The following ZBTB38 variants were observed in gnomAD, a reference collection of about 807,000 sequenced individuals.
The protein encoded by ZBTB38 is zinc finger and BTB domain-containing protein 38.
In ZBTB38, 20 loss-of-function variants were observed where a neutral mutation model predicts 76.8. The observed-to-expected ratio is 0.26, with a 90% confidence interval of 0.18 to 0.38. The LOEUF (loss-of-function observed/expected upper bound fraction) is 0.38. ZBTB38 is among the 10% of genes least tolerant of loss of function. The probability of loss-of-function intolerance (pLI) is 1.00; values close to 1 mark genes in which losing one functional copy is unlikely to be tolerated. For missense variants in ZBTB38, 1,082 were observed against 1,482.3 expected (o/e 0.73, Z 4.43); for synonymous variants, 504 against 544.2 (o/e 0.93, Z 1.03).
chr3:141,440,965 C>T (rs932118031), intron 5 of ZBTB38, among the ~76,000 whole-genome samples: 5 of 146,082 alleles, frequency 3.4e-5, no homozygotes, highest in Non-Finnish European at 7.4e-5. Context: ...ACCCTGGAGC[C>T]GGAAGTTGCA....
intron 4 of ZBTB38, among the ~76,000 whole-genome samples, chr3:141,400,715 CA>C (rs983248082): frequency 2.6e-5 from 4 of 152,190 alleles, no homozygotes; most frequent in African/African-American, 9.7e-5. Flanking sequence ...TACATAATAC[CA>C]GGTACTCTTG....
chr3:141,333,282 C>T (rs1942907646), intron 1 of ZBTB38, among the ~76,000 whole-genome samples: 1 of 152,100 alleles, frequency 6.6e-6, no homozygotes, highest in African/African-American at 2.4e-5. Flanking sequence ...GTAAAGGAGA[C>T]CTAGGACAGC....
chr3:141,442,900 T>C lies in ZBTB38; in HGVS notation c.512T>C (p.Ile171Thr), dbSNP rs2080545284. 1 of 1,614,184 alleles carries C rather than the reference T, an allele frequency of 6.2e-7. No individual in the cohort carries two copies. Among genetic ancestry groups the C allele is most frequent in the Non-Finnish European group, 8.5e-7 (1 of 1,180,022 alleles). ...AGGATCACAAATGCATTTTCCATCA[T>C]CGAAACAGAAAATAGTAATAACATG... ...GPRITNAFSI[I>T]ETENSNNMFS... is the part of the protein sequence containing the mutation. Residue 171 changes from isoleucine (I) to threonine (T), a missense_variant, in exon 6 of 6, where the codon ATC (isoleucine) becomes ACC (threonine). Coordinates refer to ENST00000321464, the MANE Select transcript of ZBTB38 (RefSeq NM_001376113.1). This position sits in a 1 kb window ranked among gnomAD's most constrained non-coding sequence, Gnocchi z 6.4.
At chr3:141,365,315 A>C (rs558097998), upstream of ZBTB38, among the ~76,000 whole-genome samples, 1 of 152,240 alleles carries the variant, frequency 6.6e-6, no homozygotes, top group Non-Finnish European at 1.5e-5. Flanking sequence ...TTCACTTCTT[A>C]CAGTTATGAA....
In ZBTB38 at chr3:141,358,112, CTG is replaced by C. The variant is rs369725936; in HGVS notation, c.-738-10506_-738-10505del. Among the ~76,000 whole-genome samples the C allele has an allele frequency of 2.3e-3, 356 of 152,332 alleles. 1 individual carries two copies. Among genetic ancestry groups the C allele is most frequent in the African/African-American group, 8.2e-3 (340 of 41,564 alleles). ...TTAGCACCAACTTCTGATTCAGAAA[CTG>C]TGGTCATATAGCCAATCAGCCTATG... On this transcript the variant is annotated intron_variant, in intron 1 of 7. Coordinates refer to the ZBTB38 transcript ENST00000509842.
chr3:141,444,090 C>G lies in ZBTB38; in HGVS notation c.1702C>G (p.Leu568Val). 1.9e-6 allele frequency: 3 copies of G among 1,614,064 alleles called. No individual in the cohort carries two copies. The highest frequency in any genetic ancestry group is 1.1e-5 in the South Asian group (1 of 91,088). ...TGTCTATCCGTATAAACTTTATAGG[C>G]TACTGCCTATGAAATGCAAGAGAGC... Reference protein sequence around the residue: ...PSVYPYKLYRLLPMKCKRAPY... With the variant: ...PSVYPYKLYRVLPMKCKRAPY... Residue 568 changes from leucine to valine, a missense_variant, in exon 6 of 6, where the codon CTA becomes GTA. Physicochemically the swap from Leu to Val is conservative, Grantham distance 32. Around this residue, in one of 8 missense-constraint regions of ZBTB38, gnomAD observed 471 missense variants for 581.0 expected, o/e 0.81. Transcript: ENST00000321464. This position sits in a 1 kb window ranked among gnomAD's most constrained non-coding sequence, Gnocchi z 5.1.
intron 1 of ZBTB38, among the ~76,000 whole-genome samples, chr3:141,345,330 G>C (rs114060190): frequency 0.011 from 1,626 of 152,010 alleles, 41 homozygotes; most frequent in African/African-American, 0.038. Flanking sequence ...CACAGATATG[G>C]AGGAGCAACC....
chr3:141,366,094 T>C (rs539268553), upstream of ZBTB38, among the ~76,000 whole-genome samples: 6 of 152,340 alleles, frequency 3.9e-5, no homozygotes, highest in African/African-American at 1.4e-4. Flanking sequence ...CTTCTCTGTA[T>C]CTCCAAGTGG....
At chr3:141,428,707 C>T (rs1290992452) in intron 5 of ZBTB38, among the ~76,000 whole-genome samples, 3 of 152,140 alleles carry the variant, frequency 2.0e-5, no homozygotes, top group Non-Finnish European at 4.4e-5. Flanking sequence ...AACTCCTGAC[C>T]TCAGATGATC....
At chr3:141,335,112 G>A (rs745572828) in intron 1 of ZBTB38, among the ~76,000 whole-genome samples, 1 of 152,206 alleles carries the variant, frequency 6.6e-6, no homozygotes, top group Non-Finnish European at 1.5e-5. Flanking sequence ...TGGTGCTACC[G>A]GTCAGCCAGA....
At chr3:141,394,432 T>C (rs1429427171) in intron 4 of ZBTB38, 2 of 152,228 alleles carry the variant, frequency 1.3e-5, no homozygotes, top group Non-Finnish European at 2.9e-5. Flanking sequence ...CTGTACTAGA[T>C]CTGAATTAAA....
At chr3:141,414,265 C>T (rs1211685483) in intron 5 of ZBTB38, among the ~76,000 whole-genome samples, 2 of 152,168 alleles carry the variant, frequency 1.3e-5, no homozygotes, top group Admixed American at 6.5e-5. Flanking sequence ...CTGATGAGAG[C>T]GTCTGCAGGC....
intron 5 of ZBTB38, chr3:141,405,833 G>A (rs1954174210): frequency 6.6e-6 from 1 of 152,196 alleles, no homozygotes; most frequent in Admixed American, 6.5e-5. Flanking sequence ...ACTCTGTTGA[G>A]GAAAGAAGAT....
chr3:141,445,524 T>C lies in ZBTB38; in HGVS notation c.3136T>C (p.Cys1046Arg). 1 of 1,614,180 alleles carries C rather than the reference T, an allele frequency of 6.2e-7. No individual in the cohort carries two copies. The highest frequency in any genetic ancestry group is 8.5e-7 in the Non-Finnish European group (1 of 1,180,028). Reference protein sequence around the residue: ...KPYQCKTCGRCFSVQGNLQKH... With the variant: ...KPYQCKTCGRRFSVQGNLQKH... ...ATACCAGTGCAAGACCTGCGGACGG[T>C]GCTTTTCGGTGCAAGGAAACTTACA... The change falls in exon 6 of 6, where the codon TGC (cysteine) becomes CGC (arginine). Residue 1046 changes from cysteine to arginine, a missense_variant. Cys to Arg is a radical substitution (Grantham distance 180). Transcript: ENST00000321464. The surrounding 1 kb of genome is among the most constrained non-coding windows in gnomAD (Gnocchi z 6.5).
At chr3:141,328,980 C>T (rs1021881290) in intron 1 of ZBTB38, among the ~76,000 whole-genome samples, 26 of 152,194 alleles carry the variant, frequency 1.7e-4, no homozygotes, top group African/African-American at 6.3e-4. Flanking sequence ...CATAGGTGCT[C>T]CTCCCCTACC....
chr3:141,333,775 C>T (rs1324312847), intron 1 of ZBTB38, among the ~76,000 whole-genome samples: 1 of 152,178 alleles, frequency 6.6e-6, no homozygotes, highest in Non-Finnish European at 1.5e-5. Context: ...ACTGTGTAAG[C>T]ACAGTAATAT....
At chr3:141,352,021 T>C (rs1159957534) in intron 1 of ZBTB38, among the ~76,000 whole-genome samples, 1 of 152,094 alleles carries the variant, frequency 6.6e-6, no homozygotes, top group Non-Finnish European at 1.5e-5. Flanking sequence ...ACTGAGTACT[T>C]GAGACCTACC....
intron 1 of ZBTB38, among the ~76,000 whole-genome samples, chr3:141,358,399 A>T (rs1406787592): frequency 6.6e-6 from 1 of 152,242 alleles, no homozygotes; most frequent in Non-Finnish European, 1.5e-5. Context: ...ATTGTCTGCC[A>T]TATAGGGAAG....
chr3:141,346,521 C>T (rs1943358277), intron 1 of ZBTB38, among the ~76,000 whole-genome samples: 1 of 152,132 alleles, frequency 6.6e-6, no homozygotes, highest in African/African-American at 2.4e-5. Context: ...CAAGCTATTA[C>T]TCTGTTGCAA....
Sources: allele counts gnomAD v4.1 joint callset (sites outside exome capture counted in the v4.1 genomes callset), GRCh38; gene constraint gnomAD v4.1.1; regional missense constraint gnomAD v4.1.1; non-coding constraint Gnocchi (gnomAD v3.1); transcripts MANE v1.5; gene names NCBI Gene and HGNC (gene_info 2026-07-23, HGNC 2026-07-21).